The following ADAM23 variants were observed in gnomAD, a reference collection of about 807,000 sequenced individuals.
ADAM23 encodes disintegrin and metalloproteinase domain-containing protein 23.
In ADAM23, 33 loss-of-function variants were observed where a neutral mutation model predicts 120.1. The observed-to-expected ratio is 0.27, with a 90% CI of 0.21 to 0.37. ADAM23 has a LOEUF of 0.37. ADAM23 is among the 10% of genes least tolerant of loss of function. ADAM23 has a pLI of 1.00. For missense variants in ADAM23, 862 were observed against 1,058.2 expected (o/e 0.81, Z 2.57); for synonymous variants, 367 against 375.2 (o/e 0.98, Z 0.25).
intron 25 of ADAM23, among the ~76,000 whole-genome samples, chr2:206,612,332 C>T (rs1038841295): frequency 1.1e-4 from 16 of 152,102 alleles, no homozygotes; most frequent in African/African-American, 3.9e-4. Context: ...GGAGATAATT[C>T]GTAAGTATAA....
rs541075972 is a variant in ADAM23, at chr2:206,463,326, C to T, written c.432+17802C>T. Among the ~76,000 whole-genome samples the T allele has an allele frequency of 4.9e-3, 750 of 152,158 alleles. 2 individuals carry two copies. The highest frequency in any genetic ancestry group is 0.014 in the Middle Eastern group (4 of 294). ...GTTGGAAACAGAGGTTTGAGTGATG[C>T]GAGGAGGGGCCCACAAGCCAAGGAA... On this transcript the variant is annotated intron_variant, in intron 2 of 25. Coordinates refer to ENST00000264377, the MANE Select transcript of ADAM23 (RefSeq NM_003812.4).
chr2:206,511,868 TTAA>T (rs1215456446), intron 3 of ADAM23, among the ~76,000 whole-genome samples: 3 of 152,180 alleles, frequency 2.0e-5, no homozygotes, highest in Admixed American at 1.3e-4. Context: ...TAAGGAAAAA[TTAA>T]TGATAGTCTA....
At chr2:206,464,891 G>T (rs1359421425) in intron 2 of ADAM23, among the ~76,000 whole-genome samples, 1 of 152,052 alleles carries the variant, frequency 6.6e-6, no homozygotes, top group East Asian at 1.9e-4. Context: ...TAGTGCTGAG[G>T]TAGAGAAACC....
intron 2 of ADAM23, among the ~76,000 whole-genome samples, chr2:206,466,758 C>G (rs1219542115): frequency 2.0e-5 from 3 of 152,158 alleles, no homozygotes; most frequent in African/African-American, 7.2e-5. Context: ...TATGGCTCTC[C>G]ACACTTTTAA....
intron 24 of ADAM23, chr2:206,608,113 A>G (rs1335744923): frequency 6.1e-6 from 2 of 325,224 alleles, no homozygotes; most frequent in Non-Finnish European, 1.2e-5. Context: ...CTAAAACAGA[A>G]GTTAGCAAAC....
intron 3 of ADAM23, among the ~76,000 whole-genome samples, chr2:206,505,857 C>G (rs1053795932): frequency 6.6e-6 from 1 of 152,174 alleles, no homozygotes; most frequent in Non-Finnish European, 1.5e-5. Context: ...TGCATTCTGG[C>G]TCTGGATCTC....
intron 14 of ADAM23, 131 bp from the exon 15 acceptor site, chr2:206,567,092 C>G (rs1056424123): frequency 2.9e-6 from 2 of 683,256 alleles, no homozygotes; most frequent in Non-Finnish European, 2.5e-6. Context: ...AACATAAGTC[C>G]CTTGTCAAAA....
chr2:206,531,339 AC>A (rs1697057914), intron 4 of ADAM23, among the ~76,000 whole-genome samples: 1 of 152,160 alleles, frequency 6.6e-6, no homozygotes, highest in African/African-American at 2.4e-5. Flanking sequence ...AGGGCAGAGG[AC>A]AGGTGGGGGA....
chr2:206,478,801 T>G (rs1351980184), intron 2 of ADAM23, among the ~76,000 whole-genome samples: 1 of 152,256 alleles, frequency 6.6e-6, no homozygotes, highest in African/African-American at 2.4e-5. Context: ...TCGATTTTTA[T>G]AAATGTTTTC....
chr2:206,596,026 C>T, intron 23 of ADAM23, 25 bp from the exon 24 acceptor site: 2 of 1,557,846 alleles, frequency 1.3e-6, no homozygotes, highest in South Asian at 1.1e-5. Flanking sequence ...GTGAAAATGC[C>T]ATATCTGTTC....
chr2:206,580,312 C>G (rs1444280299), intron 18 of ADAM23, among the ~76,000 whole-genome samples: 1 of 152,134 alleles, frequency 6.6e-6, no homozygotes, highest in Non-Finnish European at 1.5e-5. Context: ...AGAGGGAATG[C>G]TTTCAACTTT....
intron 3 of ADAM23, among the ~76,000 whole-genome samples, chr2:206,512,983 A>G (rs2105783968): frequency 6.6e-6 from 1 of 152,322 alleles, no homozygotes; most frequent in East Asian, 1.9e-4. Flanking sequence ...GACTGTACCC[A>G]TAGAATCCAG....
intron 3 of ADAM23, among the ~76,000 whole-genome samples, chr2:206,481,592 C>G (rs572382123): frequency 4.7e-4 from 71 of 152,084 alleles, no homozygotes; most frequent in Non-Finnish European, 8.1e-4. Flanking sequence ...TTATAATCAT[C>G]ACTATATATA....
chr2:206,574,914 A>T (rs76449860), intron 18 of ADAM23, among the ~76,000 whole-genome samples: 2,773 of 152,262 alleles, frequency 0.018, 43 homozygotes, highest in Non-Finnish European at 0.029. Flanking sequence ...GTATTTGTTG[A>T]GGGCCTACTG....
chr2:206,603,694 G>A lies in ADAM23; in HGVS notation c.2360-6216G>A, dbSNP rs534569715. ...CCTCTGTAGAAATGTCTCGTCCTCCGGTTGTATTTCTAAAACCTACATGAT... is the reference window on the plus strand; with the variant it reads ...CCTCTGTAGAAATGTCTCGTCCTCCAGTTGTATTTCTAAAACCTACATGAT... On this transcript the variant is annotated intron_variant, in intron 24 of 25. Transcript: ENST00000264377. 9.4e-4 allele frequency among the ~76,000 whole-genome samples: 143 copies of A among 152,172 alleles called. 1 individual carries two copies. Among genetic ancestry groups the A allele is most frequent in the African/African-American group, 3.3e-3 (136 of 41,492 alleles).
intron 3 of ADAM23, among the ~76,000 whole-genome samples, chr2:206,530,606 A>C (rs1697034879): frequency 7.7e-6 from 1 of 130,402 alleles, no homozygotes; most frequent in Non-Finnish European, 1.6e-5. Context: ...ACAGGGCGAG[A>C]CTCAGTCTCA....
Position 206,566,521 on chromosome 2 carries a change from G to C in ADAM23, c.1395-702G>C, listed in dbSNP as rs181557492. ...TAATATTCCCCTGTGTTCTGACATA[G>C]AGATATTATATTTGATTAAGTAATT... On this transcript the variant is annotated intron_variant, in intron 14 of 25. Transcript: ENST00000264377. Among the ~76,000 whole-genome samples the C allele has an allele frequency of 1.7e-3, 258 of 152,190 alleles. No individual in the cohort carries two copies. In the Middle Eastern group the frequency reaches 0.02, roughly 12 times the overall value.
intron 18 of ADAM23, among the ~76,000 whole-genome samples, chr2:206,580,470 A>G (rs1037118092): frequency 4.6e-5 from 7 of 152,142 alleles, no homozygotes; most frequent in African/African-American, 1.4e-4. Context: ...ACCTATTGAG[A>G]TGATCATGTG....
chr2:206,488,672 C>T (rs761843664), intron 3 of ADAM23, among the ~76,000 whole-genome samples: 2 of 152,140 alleles, frequency 1.3e-5, no homozygotes, highest in African/African-American at 4.8e-5. Flanking sequence ...ACTACCTCCT[C>T]CTGGGTAGAG....
Sources: gnomAD v4.1 joint callset for allele counts (sites outside exome capture counted in the v4.1 genomes callset) on GRCh38, gnomAD v4.1.1 for gene constraint, MANE v1.5 for transcripts, NCBI Gene and HGNC (gene_info 2026-07-23, HGNC 2026-07-21) for gene names.